The following HIGD1C variants were observed in gnomAD, a reference collection of about 807,000 sequenced individuals.
HIGD1C encodes HIG1 domain family member 1C.
A neutral mutation model predicts 13.1 loss-of-function variants in HIGD1C; 11 were observed. That is an observed-to-expected ratio of 0.84 (90% CI 0.53 to 1.39). The LOEUF is 1.39. HIGD1C is among the 40% of genes most tolerant of loss of function. The pLI, the probability that HIGD1C is intolerant of heterozygous loss-of-function variation, is 0.00. For missense variants in HIGD1C, 110 were observed against 112.0 expected, an observed-to-expected ratio of 0.98 and a Z score of 0.08; for synonymous variants, 36 against 37.7, an observed-to-expected ratio of 0.95 and a Z score of 0.17.
At chr12:50,949,878 C>T (rs1938858662), upstream of HIGD1C, among the ~76,000 whole-genome samples, 3 of 152,162 alleles carry the variant, frequency 2.0e-5, no homozygotes, top group Non-Finnish European at 4.4e-5. Flanking sequence ...GGAACATACA[C>T]CTTGTCCCTT....
At chr12:50,944,660 G>A in the HIGD1C span, among the ~76,000 whole-genome samples, 2 of 152,228 alleles carry the variant, frequency 1.3e-5, no homozygotes, top group South Asian at 2.1e-4. Context: ...GCTGAGACAG[G>A]TGGATCACCT....
chr12:50,933,488 T>G, the HIGD1C span, among the ~76,000 whole-genome samples: 1 of 152,210 alleles, frequency 6.6e-6, no homozygotes, highest in African/African-American at 2.4e-5. Flanking sequence ...GCAGAAAGCC[T>G]CAGGCACAGC....
In HIGD1C at chr12:50,957,937, GGTGTGTGTGTGTGTGTGTGTGTGTGTGT is replaced by G. The variant is rs71089717; in HGVS notation, c.95-3010_95-2983del. 2.3e-5 allele frequency among the ~76,000 whole-genome samples: 3 copies of G among 132,504 alleles called. No homozygotes were observed. The East Asian group carries it at 7.1e-4, about 31-fold the overall frequency. 86.9% of individuals were successfully genotyped at this position (132,504 alleles called of 152,430 possible). A position where few individuals can be genotyped will look rare whatever the true frequency, so the allele number is the denominator to read the frequency against. On this transcript the variant is annotated intron_variant, in intron 1 of 2. Coordinates refer to ENST00000398455, the Ensembl canonical transcript of HIGD1C. ...GAGACTACTGTATTCATGAATTGGA[GGTGTGTGTGTGTGTGTGTGTGTGTGTGT>G]GTGTGTGTGTGTGTGTGTGTAGTAG...
the HIGD1C span, among the ~76,000 whole-genome samples, chr12:50,938,290 G>A: frequency 0.019 from 2,792 of 149,754 alleles, 76 homozygotes; most frequent in African/African-American, 0.064. Flanking sequence ...TGTCAGCACC[G>A]CCCTGAGTGC....
intron 2 of HIGD1C, among the ~76,000 whole-genome samples, chr12:50,965,489 G>A (rs1404930891): frequency 1.3e-5 from 2 of 151,960 alleles, no homozygotes; most frequent in African/African-American, 4.8e-5. Flanking sequence ...TGCAGGTCAG[G>A]GGACCAGTGT....
At chr12:50,944,105 T>C in the HIGD1C span, among the ~76,000 whole-genome samples, 1 of 152,002 alleles carries the variant, frequency 6.6e-6, no homozygotes, top group African/African-American at 2.4e-5. Flanking sequence ...TCTCACTTCA[T>C]AGAACAAAAA....
At chr12:50,957,223 T>C (rs1308579859) in intron 1 of HIGD1C, among the ~76,000 whole-genome samples, 1 of 152,010 alleles carries the variant, frequency 6.6e-6, no homozygotes, top group African/African-American at 2.4e-5. Flanking sequence ...TTTCTTTTTT[T>C]TTTTAAAGAC....
At position 50,957,937 on chromosome 12, in the gene HIGD1C, G is replaced by GGTGTGTGTGTGTGTGT. The variant is rs71089717; in HGVS notation, c.95-2998_95-2983dup. ...GAGACTACTGTATTCATGAATTGGAGGTGTGTGTGTGTGTGTGTGTGTGTG... is the reference window on the plus strand; with the variant it reads ...GAGACTACTGTATTCATGAATTGGAGGTGTGTGTGTGTGTGTGTGTGTGTGTGTGTGTGTGTGTGTG... On this transcript the variant is annotated intron_variant, in intron 1 of 2. Transcript: ENST00000398455. Among the ~76,000 whole-genome samples the GGTGTGTGTGTGTGTGT allele has an allele frequency of 4.6e-3, 614 of 132,484 alleles. 11 individuals carry two copies. The highest frequency in any genetic ancestry group is 9.5e-3 in the African/African-American group (350 of 36,652). The allele number at this position is 132,484 out of a possible 152,430, so 86.9% of individuals were successfully genotyped here. A position where few individuals can be genotyped will look rare whatever the true frequency, so the allele number is the denominator to read the frequency against.
upstream of HIGD1C, among the ~76,000 whole-genome samples, chr12:50,952,564 G>T (rs1340939035): frequency 6.6e-6 from 1 of 152,104 alleles, no homozygotes; most frequent in Non-Finnish European, 1.5e-5. Context: ...CACCTCAAGA[G>T]CCACAGCCTC....
chr12:50,960,902 A>G, intron 1 of HIGD1C, 66 bp from the exon 4 acceptor site: 1 of 1,384,212 alleles, frequency 7.2e-7, no homozygotes, highest in Non-Finnish European at 9.6e-7. Context: ...CTGTTTTCAA[A>G]CTCCTGGTCT....
At chr12:50,952,053 C>A (rs902613162), upstream of HIGD1C, among the ~76,000 whole-genome samples, 1 of 135,620 alleles carries the variant, frequency 7.4e-6, no homozygotes. Flanking sequence ...GGATGCTAGA[C>A]CAGAAATTTT....
upstream of HIGD1C, among the ~76,000 whole-genome samples, chr12:50,953,346 T>C (rs1393806751): frequency 6.6e-6 from 1 of 152,222 alleles, no homozygotes; most frequent in Non-Finnish European, 1.5e-5. Context: ...GTGAACACAA[T>C]AAGCTGCACA....
the HIGD1C span, among the ~76,000 whole-genome samples, chr12:50,941,207 C>T: frequency 1.3e-5 from 2 of 151,972 alleles, no homozygotes; most frequent in South Asian, 2.1e-4. Flanking sequence ...AGGCTGGTCG[C>T]AAACTCCTGG....
intron 2 of HIGD1C, among the ~76,000 whole-genome samples, chr12:50,963,073 A>C (rs879759200): frequency 5.3e-5 from 8 of 151,958 alleles, no homozygotes; most frequent in African/African-American, 1.7e-4. Flanking sequence ...AGGAATTAGA[A>C]AAGAAAGGAA....
the HIGD1C span, among the ~76,000 whole-genome samples, chr12:50,940,775 T>G: frequency 3.3e-5 from 5 of 151,684 alleles, no homozygotes; most frequent in Admixed American, 2.6e-4. Context: ...CATCTATATA[T>G]CTACAAATAT....
intron 1 of HIGD1C, 102 bp from the exon 4 acceptor site, chr12:50,960,866 G>T: frequency 1.0e-6 from 1 of 967,808 alleles, no homozygotes. Flanking sequence ...TTTTTTTAGA[G>T]ATGGGGTCTT....
At chr12:50,959,213 G>A (rs978348576) in intron 1 of HIGD1C, among the ~76,000 whole-genome samples, 3 of 151,826 alleles carry the variant, frequency 2.0e-5, no homozygotes, top group African/African-American at 7.3e-5. Context: ...TCTGCCTCCC[G>A]GGTTCAAGCG....
the HIGD1C span, among the ~76,000 whole-genome samples, chr12:50,942,906 C>T: frequency 6.8e-6 from 1 of 146,352 alleles, no homozygotes; most frequent in Non-Finnish European, 1.5e-5. Flanking sequence ...ACTCTTGTTG[C>T]CCAGGGCGGA....
the HIGD1C span, among the ~76,000 whole-genome samples, chr12:50,941,431 T>A: frequency 6.6e-6 from 1 of 152,190 alleles, no homozygotes; most frequent in Non-Finnish European, 1.5e-5. Context: ...CTATAAACAT[T>A]GGCCTTACGT....
Sources: gnomAD v4.1 joint callset for allele counts (sites outside exome capture counted in the v4.1 genomes callset) on GRCh38, gnomAD v4.1.1 for gene constraint, MANE v1.5 for transcripts, NCBI Gene and HGNC (gene_info 2026-07-23, HGNC 2026-07-21) for gene names.